Variants in RGS7 observed in about 807,000 individuals in gnomAD.
RGS7 encodes regulator of G-protein signaling 7.
Under a neutral mutation model 81.1 loss-of-function variants are expected in RGS7, and 27 were observed. That is an observed-to-expected ratio of 0.33 (90% CI 0.25 to 0.46). The LOEUF (loss-of-function observed/expected upper bound fraction) is 0.46, where lower values mean the gene tolerates loss of function less well. Ranked by LOEUF, RGS7 falls within the 20% of genes least tolerant of loss-of-function variation. The pLI, the probability that RGS7 is intolerant of heterozygous loss-of-function variation, is 1.00. For synonymous variants in RGS7, 208 were observed against 207.7 expected, an observed-to-expected ratio of 1.00 and a Z score of -0.01; for missense variants, 396 against 607.4, an observed-to-expected ratio of 0.65 and a Z score of 3.66.
intron 6 of RGS7, among the ~76,000 whole-genome samples, chr1:240,876,156 C>T (rs1174612846): frequency 1.3e-5 from 2 of 152,202 alleles, no homozygotes; most frequent in African/African-American, 4.8e-5. Flanking sequence ...CATAGCTAGA[C>T]AGCCTGCCTC....
At chr1:241,103,631 G>A (rs2064916838) in intron 2 of RGS7, among the ~76,000 whole-genome samples, 1 of 152,068 alleles carries the variant, frequency 6.6e-6, no homozygotes, top group South Asian at 2.1e-4. Flanking sequence ...CAGCACTTTG[G>A]GAGGCCAACA....
chr1:240,900,432 C>G (rs1669797501), intron 6 of RGS7, among the ~76,000 whole-genome samples: 1 of 152,150 alleles, frequency 6.6e-6, no homozygotes, highest in Non-Finnish European at 1.5e-5. Flanking sequence ...GTTTTATCTA[C>G]CTTTGGTCTT....
At chr1:241,305,688 A>C (rs1452052668) in intron 2 of RGS7, 1 of 157,320 alleles carries the variant, frequency 6.4e-6, no homozygotes, top group African/African-American at 2.4e-5. Context: ...GATGAACTTG[A>C]GGGCCTGTTT....
At chr1:240,787,245 G>T (rs946577859) in intron 18 of RGS7, among the ~76,000 whole-genome samples, 1 of 152,138 alleles carries the variant, frequency 6.6e-6, no homozygotes, top group South Asian at 2.1e-4. Context: ...TGTTAAAATT[G>T]CCTAAGTCCC....
intron 2 of RGS7, among the ~76,000 whole-genome samples, chr1:241,210,657 T>C (rs145679285): frequency 1.3e-5 from 2 of 152,334 alleles, no homozygotes; most frequent in East Asian, 3.9e-4. Flanking sequence ...ATGGAATATT[T>C]ACTATGACTT....
intron 9 of RGS7, among the ~76,000 whole-genome samples, chr1:240,855,524 G>C (rs540093746): frequency 6.6e-6 from 1 of 150,870 alleles, no homozygotes; most frequent in African/African-American, 2.4e-5. Flanking sequence ...TTGACCTCCC[G>C]GGCTCGAGTG....
Position 240,945,251 on chromosome 1 carries a change from A to G in RGS7, c.227-8545T>C, listed in dbSNP as rs188953687. ...TAACACGAAAGAGAAAAATAGCCCA[A>G]TACGAAATATAAAAGCTGATTTTAA... On this transcript the variant is annotated intron_variant, in intron 4 of 18. Transcript: ENST00000440928. Among the ~76,000 whole-genome samples the G allele has an allele frequency of 4.0e-4, 61 of 152,374 alleles. 1 individual carries two copies. Among genetic ancestry groups the G allele is most frequent in the East Asian group, 1.9e-3 (10 of 5,188 alleles).
chr1:241,091,923 A>G (rs1043777001), intron 3 of RGS7, among the ~76,000 whole-genome samples: 4 of 152,190 alleles, frequency 2.6e-5, no homozygotes, highest in African/African-American at 9.7e-5. Flanking sequence ...TATTATTTAA[A>G]AAAATCTCAA....
chr1:241,017,844 T>C (rs2059342244), intron 3 of RGS7, among the ~76,000 whole-genome samples: 1 of 152,202 alleles, frequency 6.6e-6, no homozygotes, highest in Admixed American at 6.5e-5. Context: ...TATTTTATGT[T>C]GTCTATTTTT....
At chr1:240,931,482 C>T (rs554242753) in intron 5 of RGS7, among the ~76,000 whole-genome samples, 41 of 152,038 alleles carry the variant, frequency 2.7e-4, no homozygotes, top group African/African-American at 9.7e-4. Context: ...AATGGAGATC[C>T]CATTCTCCAT....
chr1:241,071,851 C>G lies in RGS7; in HGVS notation c.175+26815G>C, dbSNP rs141184908. Among the ~76,000 whole-genome samples, 446 of 96,350 alleles carry G rather than the reference C, an allele frequency of 4.6e-3. 3 individuals carry two copies. Among genetic ancestry groups the G allele is most frequent in the Non-Finnish European group, 7.0e-3 (378 of 53,884 alleles). The allele number at this position is 96,350 out of a possible 152,430, so 63.2% of individuals were successfully genotyped here. A position where few individuals can be genotyped will look rare whatever the true frequency, so the allele number is the denominator to read the frequency against. On this transcript the variant is annotated intron_variant, in intron 3 of 18. Transcript: ENST00000440928. ...ATCACACTATTGCACTCCAGCCTGA[C>G]AGATGACAGAGTGAGACCCTGTCAA... is the stretch of plus-strand genomic sequence containing the variant.
intron 2 of RGS7, among the ~76,000 whole-genome samples, chr1:241,123,712 T>C (rs562911313): frequency 6.6e-6 from 1 of 152,120 alleles, no homozygotes; most frequent in East Asian, 1.9e-4. Flanking sequence ...GATTGCACCA[T>C]TGCACTCCAG....
chr1:241,329,707 G>A (rs936914390), intron 2 of RGS7, among the ~76,000 whole-genome samples: 3 of 152,102 alleles, frequency 2.0e-5, no homozygotes, highest in Admixed American at 1.3e-4. Flanking sequence ...GGATAATGTG[G>A]TGCTGTCCTC....
At chr1:240,838,958 G>A (rs1374605793) in intron 9 of RGS7, among the ~76,000 whole-genome samples, 1 of 151,962 alleles carries the variant, frequency 6.6e-6, no homozygotes. Flanking sequence ...GTAGAGACGG[G>A]GTTTCACCAT....
At chr1:240,796,968 T>G (rs12733627) in intron 18 of RGS7, among the ~76,000 whole-genome samples, 86,741 of 152,042 alleles carry the variant, frequency 0.57, 26,939 homozygotes, top group Non-Finnish European at 0.7. Flanking sequence ...CAAAAAGAGA[T>G]AAGATTAGGT....
rs74780669 is a variant in RGS7, at chr1:240,968,489, G to A, written c.226+14590C>T. Among the ~76,000 whole-genome samples the A allele has an allele frequency of 5.8e-3, 882 of 152,036 alleles. 8 individuals carry two copies. The highest frequency in any genetic ancestry group is 0.02 in the African/African-American group (843 of 41,478). ...CAGGTATTAGTGAGCACGGCAGGAA[G>A]CAGGAATTCTGGATAATTCAAGAGG... is the stretch of plus-strand genomic sequence containing the variant. On this transcript the variant is annotated intron_variant, in intron 4 of 18. Transcript: ENST00000440928.
intron 4 of RGS7, among the ~76,000 whole-genome samples, chr1:240,954,645 T>C (rs1680068592): frequency 6.6e-6 from 1 of 152,046 alleles, no homozygotes; most frequent in African/African-American, 2.4e-5. Flanking sequence ...GCTAACATCA[T>C]TACTAATGGT....
chr1:241,221,943 T>C (rs2075042290), intron 2 of RGS7, among the ~76,000 whole-genome samples: 1 of 152,138 alleles, frequency 6.6e-6, no homozygotes, highest in African/African-American at 2.4e-5. Context: ...CTCACACATA[T>C]ACACTTTATA....
rs199805194 is a variant in RGS7 at position 241,197,191 on chromosome 1, TA to T, written c.79-98430del. Among the ~76,000 whole-genome samples the T allele has an allele frequency of 3.9e-3, 589 of 150,868 alleles. 10 individuals are homozygous for T. Among genetic ancestry groups the T allele is most frequent in the African/African-American group, 0.014 (567 of 41,144 alleles). ...GAGACTCACCTTAAATATAAGAATA[TA>T]AAAAAGTTGAAACTAAAAATAGAAA... On this transcript the variant is annotated intron_variant, in intron 2 of 18. Coordinates refer to ENST00000440928, the MANE Select transcript of RGS7 (RefSeq NM_001364886.1).
Sources: allele counts gnomAD v4.1 joint callset (sites outside exome capture counted in the v4.1 genomes callset), GRCh38; gene constraint gnomAD v4.1.1; transcripts MANE v1.5; gene names NCBI Gene and HGNC (gene_info 2026-07-23, HGNC 2026-07-21).